CD3E: variants seen among roughly 807,000 people sequenced by gnomAD.
CD3E encodes CD3 epsilon subunit of T-cell receptor complex.
A neutral mutation model predicts 34.7 loss-of-function variants in CD3E; 16 were observed. The observed-to-expected ratio is 0.46, with a 90% CI of 0.31 to 0.70. The LOEUF (loss-of-function observed/expected upper bound fraction) is 0.70. CD3E is among the 30% of genes least tolerant of loss of function. The pLI is 0.05. For synonymous variants in CD3E, 70 were observed against 90.8 expected, an observed-to-expected ratio of 0.77 and a Z score of 1.30; for missense variants, 223 against 253.9, an observed-to-expected ratio of 0.88 and a Z score of 0.83.
chr11:118,311,989 G>C lies in CD3E; in HGVS notation c.86-164G>C, dbSNP rs2277290. The stretch of plus-strand genomic sequence containing the variant: ...ATATATCTATGAGCTAAATCTCATA[G>C]GCTAAGCATGAACCTCACCTCCAAG... On this transcript the variant is annotated intron_variant, in intron 4 of 8. Coordinates refer to ENST00000361763, the MANE Select transcript of CD3E (RefSeq NM_000733.4). Among the ~76,000 whole-genome samples the C allele has an allele frequency of 2.9e-3, 443 of 152,224 alleles. 21 individuals are homozygous for C. The East Asian group carries it at 0.083, about 29-fold the overall frequency.
chr11:118,315,201 C>T (rs1948159503), intron 8 of CD3E, among the ~76,000 whole-genome samples: 1 of 152,146 alleles, frequency 6.6e-6, no homozygotes, highest in Non-Finnish European at 1.5e-5. Flanking sequence ...CAACACCAGC[C>T]AAACACGTAG....
At position 118,313,688 on chromosome 11, in the gene CD3E, C is replaced by T; in HGVS notation, c.353-19C>T. On this transcript the variant is annotated intron_variant, in intron 6 of 8. Transcript: ENST00000361763. ...TCCTTGCTTAGTGATTTCCCCTCTC[C>T]CCACCCCACCCCCCACAGTGTGTGA... The T allele has an allele frequency of 6.2e-7, 1 of 1,612,300 alleles. No homozygotes were observed. Among genetic ancestry groups the T allele is most frequent in the Non-Finnish European group, 8.5e-7 (1 of 1,178,652 alleles).
intron 5 of CD3E, 168 bp from the exon 6 acceptor site, chr11:118,312,450 C>G (rs754677669): frequency 2.4e-6 from 2 of 816,574 alleles, no homozygotes; most frequent in African/African-American, 3.4e-5. Flanking sequence ...CTTCATTCCA[C>G]ATATCTCCTC....
chr11:118,313,630 G>A, intron 6 of CD3E, 77 bp from the exon 7 acceptor site: 3 of 1,379,086 alleles, frequency 2.2e-6, no homozygotes, highest in Non-Finnish European at 3.1e-6. Context: ...TGGCCTTCAT[G>A]CACTCCCTCC....
Position 118,312,174 on chromosome 11 carries a change from A to G in CD3E, c.103+4A>G. ...TCAGGTGGTATTACACAGACACGTG[A>G]GTTTATTGGTCTTTTATTTATGCCC... On this transcript the variant is annotated splice_donor_region_variant and intron_variant, in intron 5 of 8. Transcript: ENST00000361763. 1 of 1,610,854 alleles carries G rather than the reference A, an allele frequency of 6.2e-7. No homozygotes were observed. Among genetic ancestry groups the G allele is most frequent in the Non-Finnish European group, 8.5e-7 (1 of 1,177,168 alleles).
intron 6 of CD3E, chr11:118,313,124 G>A (rs1353124174): frequency 1.9e-5 from 10 of 518,560 alleles, no homozygotes; most frequent in Admixed American, 6.1e-5. Flanking sequence ...GACAGGACTG[G>A]GTCATTTGCA....
At chr11:118,305,809 G>A (rs1235124467) in intron 2 of CD3E, among the ~76,000 whole-genome samples, 1 of 152,184 alleles carries the variant, frequency 6.6e-6, no homozygotes, top group Non-Finnish European at 1.5e-5. Flanking sequence ...AGGACTGTTT[G>A]TACTCTAAAT....
At chr11:118,314,952 C>T (rs1239540269) in intron 8 of CD3E, among the ~76,000 whole-genome samples, 1 of 96,164 alleles carries the variant, frequency 1.0e-5, no homozygotes, top group African/African-American at 4.2e-5. Flanking sequence ...CACCCTTACA[C>T]ACACACATAC....
chr11:118,312,245 A>G, intron 5 of CD3E, 75 bp downstream of exon 5: 1 of 1,264,290 alleles, frequency 7.9e-7, no homozygotes, highest in South Asian at 1.2e-5. Context: ...GAACTGATTG[A>G]GAGAGATTAA....
Position 118,312,624 on chromosome 11 carries a change from A to T in CD3E, c.110A>T (p.Lys37Ile). 2 of 1,614,126 alleles carry T rather than the reference A, an allele frequency of 1.2e-6. No individual in the cohort carries two copies. Among genetic ancestry groups the T allele is most frequent in the Non-Finnish European group, 1.7e-6 (2 of 1,180,018 alleles). The part of the protein sequence containing the change: ...EMGGITQTPY[K>I]VSISGTTVIL... ...TTCCCTTCTTTCTCCCCAGCATATA[A>T]AGTCTCCATCTCTGGAACCACAGTA... The change falls in exon 6 of 9, where the codon AAA becomes ATA. Residue 37 changes from lysine (K) to isoleucine (I), a missense_variant. By Grantham distance (102) the Lys-to-Ile change is moderately radical. Coordinates refer to ENST00000361763, the MANE Select transcript of CD3E (RefSeq NM_000733.4).
chr11:118,315,908 A>C lies in CD3E; in HGVS notation c.*366A>C. 2 of 362,996 alleles carry C rather than the reference A, an allele frequency of 5.5e-6. No individual in the cohort carries two copies. Among genetic ancestry groups the C allele is most frequent in the Non-Finnish European group, 1.0e-5 (2 of 194,440 alleles). The allele number at this position is 362,996 out of a possible 1,614,324, so 22.5% of individuals were successfully genotyped here. On this transcript the variant is annotated 3_prime_UTR_variant, in exon 9 of 9. Transcript: ENST00000361763. ...GTTGTCCCCCATCCCAAAGTATTCC[A>C]TCTACTTTTCTATCGCCGTCCCCTT...
At chr11:118,305,526 C>T (rs539111353) in intron 2 of CD3E, among the ~76,000 whole-genome samples, 390 of 152,250 alleles carry the variant, frequency 2.6e-3, no homozygotes, top group African/African-American at 8.9e-3. Context: ...AAGAGCATTT[C>T]TGTATCTCAT....
intron 2 of CD3E, 42 bp downstream of exon 2, chr11:118,305,043 G>T (rs375962834): frequency 3.2e-6 from 5 of 1,574,450 alleles, no homozygotes; most frequent in Admixed American, 1.7e-5. Flanking sequence ...TCTCCAGACC[G>T]CTGGAAGGCT....
At chr11:118,308,737 C>T (rs1168951115) in intron 4 of CD3E, among the ~76,000 whole-genome samples, 1 of 152,192 alleles carries the variant, frequency 6.6e-6, no homozygotes, top group African/African-American at 2.4e-5. Flanking sequence ...GTCTCATTTA[C>T]CTAGCCCAGT....
In CD3E at chr11:118,307,614, A is replaced by G. The variant is rs117068436; in HGVS notation, c.70+306A>G. Among the ~76,000 whole-genome samples, 1,295 of 152,360 alleles carry G rather than the reference A, an allele frequency of 8.5e-3. 8 individuals are homozygous for G. The highest frequency in any genetic ancestry group is 0.015 in the South Asian group (71 of 4,826). ...TCATATTTGATGTGAGATTCTGCAG[A>G]GGAGACGTAGCCAGAATGCATGCAC... On this transcript the variant is annotated intron_variant, in intron 3 of 8. Coordinates refer to ENST00000361763, the MANE Select transcript of CD3E (RefSeq NM_000733.4).
rs1437341194 is a variant in CD3E, at chr11:118,307,161, C to A, written c.50-127C>A. 1.1e-5 allele frequency: 8 copies of A among 724,432 alleles called. No homozygotes were observed. In the Admixed American group the frequency reaches 1.9e-4, roughly 17 times the overall value. The allele number at this position is 724,432 out of a possible 1,614,324, so 44.9% of individuals were successfully genotyped here. A position where few individuals can be genotyped will look rare whatever the true frequency, so the allele number is the denominator to read the frequency against. On this transcript the variant is annotated intron_variant, in intron 2 of 8. Coordinates refer to ENST00000361763, the MANE Select transcript of CD3E (RefSeq NM_000733.4). ...TCTAGGGTGTAGAAATGGCTGTGAC[C>A]CAGCAGCAAGAGGGAAGGACATCAG...
At position 118,315,748 on chromosome 11, in the gene CD3E, T is replaced by C; in HGVS notation, c.*206T>C. On this transcript the variant is annotated 3_prime_UTR_variant, in exon 9 of 9. Coordinates refer to ENST00000361763, the MANE Select transcript of CD3E (RefSeq NM_000733.4). ...AGTCCTAAAATATTGCTGCTTCCTC[T>C]TCCTTTGAAGCATCATCAGTAGTCA... 6 of 627,942 alleles carry C rather than the reference T, an allele frequency of 9.6e-6. No homozygotes were observed. Among genetic ancestry groups the C allele is most frequent in the Non-Finnish European group, 1.4e-5 (5 of 347,680 alleles). 38.9% of individuals were successfully genotyped at this position (627,942 alleles called of 1,614,324 possible). A position where few individuals can be genotyped will look rare whatever the true frequency, so the allele number is the denominator to read the frequency against.
chr11:118,309,092 T>C (rs1421300965), intron 4 of CD3E, among the ~76,000 whole-genome samples: 1 of 152,212 alleles, frequency 6.6e-6, no homozygotes, highest in Non-Finnish European at 1.5e-5. Flanking sequence ...CTAACTGAGC[T>C]AGATCAGAAT....
chr11:118,314,853 A>G (rs1456033396), intron 8 of CD3E, among the ~76,000 whole-genome samples: 1 of 152,146 alleles, frequency 6.6e-6, no homozygotes. Flanking sequence ...AGTTATTGAA[A>G]TATTAAAATT....
Sources: gnomAD v4.1 joint callset for allele counts (sites outside exome capture counted in the v4.1 genomes callset) on GRCh38, gnomAD v4.1.1 for gene constraint, MANE v1.5 for transcripts, NCBI Gene and HGNC (gene_info 2026-07-23, HGNC 2026-07-21) for gene names.